The following RANBP2 variants were observed in gnomAD, a reference collection of about 807,000 sequenced individuals.
The protein encoded by RANBP2 is E3 SUMO-protein ligase RanBP2.
RANBP2 carries 57 observed loss-of-function variants against 303.6 expected under a neutral mutation model. The ratio of observed to expected loss-of-function variants is 0.19; its 90% CI spans 0.15 to 0.23. The LOEUF (loss-of-function observed/expected upper bound fraction) is 0.23, where lower values mean the gene tolerates loss of function less well. Among genes scored for constraint, RANBP2 ranks in the 10% least tolerant of loss-of-function variants. The pLI is 1.00. For missense variants in RANBP2, 3,138 were observed against 3,780.8 expected, an observed-to-expected ratio of 0.83 and a Z score of 4.46; for synonymous variants, 1,167 against 1,301.5, an observed-to-expected ratio of 0.90 and a Z score of 2.23.
At chr2:108,723,328 G>A (rs1190090870) in intron 1 of RANBP2, among the ~76,000 whole-genome samples, 2 of 148,128 alleles carry the variant, frequency 1.4e-5, no homozygotes, top group African/African-American at 5.0e-5. Flanking sequence ...CGTCCAGGCT[G>A]GAGTGCAGTG....
At chr2:109,587,953 G>A in the RANBP2 span, among the ~76,000 whole-genome samples, 2 of 151,464 alleles carry the variant, frequency 1.3e-5, no homozygotes, top group East Asian at 1.9e-4. Context: ...AAAATTACCC[G>A]GGCGTGGTGG....
chr2:109,103,938 C>T, the RANBP2 span, among the ~76,000 whole-genome samples: 2 of 151,940 alleles, frequency 1.3e-5, no homozygotes, highest in East Asian at 1.9e-4. Context: ...GGACTACAGG[C>T]GCCCGCCACC....
At chr2:108,927,179 G>T in the RANBP2 span, among the ~76,000 whole-genome samples, 115 of 152,220 alleles carry the variant, frequency 7.6e-4, no homozygotes, top group Non-Finnish European at 1.6e-4. Flanking sequence ...TCTGAGGCAC[G>T]TGCTGAGGGT....
At chr2:109,065,040 G>C in the RANBP2 span, among the ~76,000 whole-genome samples, 13 of 152,176 alleles carry the variant, frequency 8.5e-5, no homozygotes, top group African/African-American at 2.9e-4. Flanking sequence ...ACTTAGACTT[G>C]AAAAATGAAC....
chr2:109,382,112 T>C, the RANBP2 span, among the ~76,000 whole-genome samples: 1 of 152,076 alleles, frequency 6.6e-6, no homozygotes, highest in African/African-American at 2.4e-5. Context: ...CCCATCAGAG[T>C]TGCAGTGGTC....
At chr2:109,733,243 T>G in the RANBP2 span, 2 of 329,788 alleles carry the variant, frequency 6.1e-6, no homozygotes, top group Non-Finnish European at 1.2e-5. Context: ...TCGAATGGAA[T>G]TTTACCATGG....
chr2:109,567,864 T>G, the RANBP2 span: 4 of 1,613,298 alleles, frequency 2.5e-6, no homozygotes, highest in Non-Finnish European at 3.4e-6. Context: ...CGTTGGGAAC[T>G]GGTATATCTG....
the RANBP2 span, among the ~76,000 whole-genome samples, chr2:109,493,144 T>TA: frequency 2.0e-3 from 223 of 111,494 alleles, 2 homozygotes; most frequent in African/African-American, 7.0e-3. Flanking sequence ...CCCACATACA[T>TA]CATACAAAAC....
the RANBP2 span, among the ~76,000 whole-genome samples, chr2:109,637,361 T>G: frequency 6.6e-6 from 1 of 151,876 alleles, no homozygotes; most frequent in African/African-American, 2.4e-5. Context: ...CCTTCCTCTA[T>G]CTCAACTGCA....
chr2:109,511,057 C>T, the RANBP2 span, among the ~76,000 whole-genome samples: 6 of 152,208 alleles, frequency 3.9e-5, no homozygotes, highest in African/African-American at 1.2e-4. Flanking sequence ...CATGCAATTT[C>T]ACAGATGGGG....
chr2:109,178,777 G>A, the RANBP2 span, among the ~76,000 whole-genome samples: 1 of 152,148 alleles, frequency 6.6e-6, no homozygotes, highest in East Asian at 1.9e-4. Flanking sequence ...AGATTTCGTA[G>A]GTGTCTCTGG....
At chr2:109,037,795 G>T in the RANBP2 span, among the ~76,000 whole-genome samples, 1 of 152,282 alleles carries the variant, frequency 6.6e-6, no homozygotes, top group Admixed American at 6.5e-5. Flanking sequence ...GCTTTTGAAA[G>T]AAATAAAAGA....
the RANBP2 span, among the ~76,000 whole-genome samples, chr2:109,612,722 C>A: frequency 3.9e-5 from 6 of 152,204 alleles, no homozygotes; most frequent in Non-Finnish European, 8.8e-5. Context: ...CTCACTCACA[C>A]ATGCACACAA....
At chr2:109,123,862 C>T in the RANBP2 span, among the ~76,000 whole-genome samples, 2 of 152,126 alleles carry the variant, frequency 1.3e-5, no homozygotes, top group African/African-American at 2.4e-5. Context: ...AGGGCTAGGA[C>T]CTTGCTGGTA....
chr2:109,405,452 G>A, the RANBP2 span, among the ~76,000 whole-genome samples: 4 of 152,206 alleles, frequency 2.6e-5, no homozygotes, highest in East Asian at 1.9e-4. Flanking sequence ...TCCAGCTCCC[G>A]GCAGCACTGT....
chr2:109,006,721 C>T, the RANBP2 span, among the ~76,000 whole-genome samples: 10 of 152,068 alleles, frequency 6.6e-5, no homozygotes, highest in African/African-American at 2.4e-4. Context: ...CCTCGGGCTG[C>T]GCAGAGGCCC....
chr2:109,515,295 TGAG>T, the RANBP2 span, among the ~76,000 whole-genome samples: 2 of 151,998 alleles, frequency 1.3e-5, no homozygotes, highest in Admixed American at 6.5e-5. Flanking sequence ...CAGTGTAAGT[TGAG>T]GAGGGAGGGC....
the RANBP2 span, chr2:109,490,867 C>T: frequency 1.3e-6 from 2 of 1,535,376 alleles, no homozygotes. Context: ...AACTTCACAT[C>T]TCCTTCCCGG....
chr2:109,345,056 C>T, the RANBP2 span, among the ~76,000 whole-genome samples: 3 of 152,188 alleles, frequency 2.0e-5, no homozygotes, highest in Non-Finnish European at 4.4e-5. Flanking sequence ...CTGGAGAATT[C>T]ATGAAAGACA....
Sources: gnomAD v4.1 joint callset for allele counts (sites outside exome capture counted in the v4.1 genomes callset) on GRCh38, gnomAD v4.1.1 for gene constraint, MANE v1.5 for transcripts, NCBI Gene and HGNC (gene_info 2026-07-23, HGNC 2026-07-21) for gene names.